Variants in NRXN2 observed in about 807,000 individuals in gnomAD.
NRXN2 encodes the protein neurexin 2, also known as neurexin-2-beta.
NRXN2 carries 29 observed loss-of-function variants against 128.8 expected under a neutral mutation model. That is an observed-to-expected ratio of 0.23 (90% CI 0.17 to 0.31). The LOEUF (loss-of-function observed/expected upper bound fraction) is 0.31. Ranked by LOEUF, NRXN2 falls within the 10% of genes least tolerant of loss-of-function variation. The pLI is 1.00. For missense variants in NRXN2, 1,881 were observed against 2,452.6 expected (o/e 0.77, Z 4.92); for synonymous variants, 1,098 against 1,075.2 (o/e 1.02, Z -0.41).
chr11:64,716,974 G>A (rs540817046), intron 1 of NRXN2, among the ~76,000 whole-genome samples: 6 of 151,608 alleles, frequency 4.0e-5, no homozygotes, highest in East Asian at 3.9e-4. Flanking sequence ...GGCTGCTGCC[G>A]ACCCAGCCTC....
In NRXN2 at chr11:64,690,442, C is replaced by G. The variant is rs1355455298; in HGVS notation, c.813G>C (p.Gly271=). The change falls in exon 5 of 23, where the codon GGG becomes GGC. Residue 271 remains glycine, a synonymous_variant. Coordinates refer to ENST00000265459, the MANE Select transcript of NRXN2 (RefSeq NM_015080.4). ...GSLLFSEGGA[G]RGGAGDVHQP... is the part of the protein sequence containing the mutation. The stretch of plus-strand genomic sequence containing the variant: ...GGTGCACATCGCCGGCTCCTCCTCT[C>G]CCGGCCCCCCCCTCGGAGAACAGTA... 2.5e-6 allele frequency: 4 copies of G among 1,613,460 alleles called. No homozygotes were observed. The highest frequency in any genetic ancestry group is 3.4e-6 in the Non-Finnish European group (4 of 1,179,914).
intron 22 of NRXN2, among the ~76,000 whole-genome samples, chr11:64,615,829 C>CGTGTGTGT (rs34781745): frequency 6.5e-5 from 9 of 139,112 alleles, no homozygotes; most frequent in East Asian, 2.5e-4. Flanking sequence ...TAGGCCCAAG[C>CGTGTGTGT]GTGTGTGTGT....
rs377268145 is a variant in NRXN2, at chr11:64,661,073, A to G, written c.1865T>C (p.Leu622Pro). 4 of 1,613,394 alleles carry G rather than the reference A, an allele frequency of 2.5e-6. No homozygotes were observed. Among genetic ancestry groups the G allele is most frequent in the Admixed American group, 1.7e-5 (1 of 60,010 alleles). ...ACCGCCCAGGTACAGCTCACTCTCC[A>G]GGTCCAGAATCTCGCTGTCTCCAGT... ...LATGDSEILD[L>P]ESELYLGGLP... Residue 622 changes from leucine (L) to proline (P), a missense_variant, in exon 10 of 23, where the codon CTG (leucine) becomes CCG (proline). Physicochemically the swap from Leu to Pro is moderately conservative, Grantham distance 98. Coordinates refer to ENST00000265459, the MANE Select transcript of NRXN2 (RefSeq NM_015080.4).
chr11:64,652,144 G>A lies in NRXN2; in HGVS notation c.2427C>T (p.Pro809=), dbSNP rs374928861. 1.1e-4 allele frequency: 183 copies of A among 1,612,294 alleles called. No homozygotes were observed. In the East Asian group the frequency reaches 1.8e-3, roughly 16 times the overall value. ...GCTTGTGCCCCGCAAACAGCGTTTC[G>A]GGGCCTTTACCTGCGGCACCAAGGG... ...LRVGCAPSKG[P]ETLFAGHKLN... Residue 809 remains proline (P), a synonymous_variant, in exon 13 of 23, where the codon CCC becomes CCT. Coordinates refer to ENST00000265459, the MANE Select transcript of NRXN2 (RefSeq NM_015080.4).
chr11:64,661,747 G>C (rs1472592591), intron 9 of NRXN2, among the ~76,000 whole-genome samples: 4 of 152,194 alleles, frequency 2.6e-5, no homozygotes, highest in East Asian at 3.8e-4. Flanking sequence ...CTGGGGAACA[G>C]TGCCAAAGCG....
chr11:64,712,946 G>A (rs916156256), intron 2 of NRXN2, 24 bp downstream of exon 2: 1 of 1,498,284 alleles, frequency 6.7e-7, no homozygotes, highest in Admixed American at 2.1e-5. Flanking sequence ...CCCAGGCACC[G>A]GGCGGCCGCT....
intron 20 of NRXN2, among the ~76,000 whole-genome samples, chr11:64,625,663 A>G (rs2042976572): frequency 6.6e-6 from 1 of 152,080 alleles, no homozygotes; most frequent in Admixed American, 6.5e-5. Flanking sequence ...GCCTCCCCAA[A>G]GGGAATGGGA....
chr11:64,623,290 C>T lies in NRXN2; in HGVS notation c.3848-212G>A, dbSNP rs1459848088. On this transcript the variant is annotated intron_variant, in intron 20 of 22. Transcript: ENST00000265459. The surrounding 1 kb of genome is among the most constrained non-coding windows in gnomAD (Gnocchi z 4.9). ...GCCCCTAGCCCAGCCAGGTGGGGACCCCAGAAGGGGAGGGCACCCAGGGTA... is the reference window on the plus strand; with the variant it reads ...GCCCCTAGCCCAGCCAGGTGGGGACTCCAGAAGGGGAGGGCACCCAGGGTA... 9 of 845,472 alleles carry T rather than the reference C, an allele frequency of 1.1e-5. No individual in the cohort carries two copies. Among genetic ancestry groups the T allele is most frequent in the Non-Finnish European group, 1.6e-5 (9 of 564,480 alleles). The allele number at this position is 845,472 out of a possible 1,614,324, so 52.4% of individuals were successfully genotyped here.
intron 22 of NRXN2, 142 bp downstream of exon 22, chr11:64,620,152 T>A (rs2042102801): frequency 1.4e-6 from 1 of 694,688 alleles, no homozygotes; most frequent in African/African-American, 1.8e-5. Context: ...ACTGGGAGGA[T>A]GTTAGGCAAG....
At position 64,685,826 on chromosome 11, in the gene NRXN2, G is replaced by A. The variant is rs747385099; in HGVS notation, c.972C>T (p.Asn324=). The A allele has an allele frequency of 2.5e-5, 41 of 1,614,138 alleles. No individual in the cohort carries two copies. Among genetic ancestry groups the A allele is most frequent in the South Asian group, 6.6e-5 (6 of 91,094 alleles). ...ITLAFRTLQR[N]GLMLHTGKSA... ...ACTTGCCTGTATGCAGCATCAGGCC[G>A]TTGCGTTGCAGGGTGCGGAAGGCCA... Residue 324 remains asparagine, a synonymous_variant, in exon 6 of 23, where the codon AAC becomes AAT. Coordinates refer to ENST00000265459, the MANE Select transcript of NRXN2 (RefSeq NM_015080.4).
At chr11:64,676,847 C>A (rs2051387904) in intron 7 of NRXN2, 146 bp downstream of exon 7, 2 of 676,482 alleles carry the variant, frequency 3.0e-6, no homozygotes, top group East Asian at 2.8e-5. Flanking sequence ...GAAGCAAAAT[C>A]TAAAGATTGT....
chr11:64,688,371 G>T, intron 5 of NRXN2: 1 of 985,444 alleles, frequency 1.0e-6, no homozygotes, highest in Non-Finnish European at 1.2e-6. Flanking sequence ...TTCGAGAAGA[G>T]GGACAGAAAA....
chr11:64,713,403 G>T lies in NRXN2; in HGVS notation c.297C>A (p.Ala99=). Residue 99 remains alanine, a synonymous_variant, in exon 2 of 23, where the codon GCC becomes GCA. Coordinates refer to ENST00000265459, the MANE Select transcript of NRXN2 (RefSeq NM_015080.4). The part of the protein sequence containing the change: ...LRFTLSCAEP[A]TLQLDTPVAD... ...CCACCGGCGTGTCCAGCTGCAGCGT[G>T]GCCGGCTCGGCGCACGAAAGCGTGA... 6.7e-7 allele frequency: 1 copy of T among 1,486,022 alleles called. No homozygotes were observed. The allele number at this position is 1,486,022 out of a possible 1,614,324, so 92.1% of individuals were successfully genotyped here.
At chr11:64,666,575 T>G (rs1282584284) in intron 9 of NRXN2, among the ~76,000 whole-genome samples, 1 of 151,658 alleles carries the variant, frequency 6.6e-6, no homozygotes, top group Non-Finnish European at 1.5e-5. Context: ...TATATTCTTT[T>G]TTCTCTGAGA....
intron 7 of NRXN2, among the ~76,000 whole-genome samples, chr11:64,670,668 C>T (rs560315136): frequency 1.4e-4 from 22 of 152,310 alleles, no homozygotes; most frequent in African/African-American, 5.3e-4. Flanking sequence ...CCCCACTAAT[C>T]TGAACATAAT....
chr11:64,721,934 T>C (rs1490012522), intron 1 of NRXN2, among the ~76,000 whole-genome samples: 1 of 151,642 alleles, frequency 6.6e-6, no homozygotes, highest in African/African-American at 2.4e-5. Context: ...AAAAAGCCCC[T>C]CCCAGCCCTT....
chr11:64,686,930 A>G (rs746283121), intron 5 of NRXN2, among the ~76,000 whole-genome samples: 8 of 152,252 alleles, frequency 5.3e-5, no homozygotes, highest in Non-Finnish European at 1.2e-4. Context: ...ACAATGACTC[A>G]GTAGTACCAA....
At chr11:64,612,909 C>A (rs539819059) in intron 22 of NRXN2, among the ~76,000 whole-genome samples, 1 of 152,214 alleles carries the variant, frequency 6.6e-6, no homozygotes, top group Admixed American at 6.5e-5. Flanking sequence ...TTGGAAAAAC[C>A]ATTCTCTCCT....
At chr11:64,661,193 T>C (rs2048980734) in intron 9 of NRXN2, 54 bp from the exon 10 acceptor site, 14 of 1,609,950 alleles carry the variant, frequency 8.7e-6, no homozygotes, top group Middle Eastern at 1.7e-4. Context: ...GAAAGGGACA[T>C]CCTGACTCTG....
Sources: gnomAD v4.1 joint callset for allele counts (sites outside exome capture counted in the v4.1 genomes callset) on GRCh38, gnomAD v4.1.1 for gene constraint, Gnocchi (gnomAD v3.1) non-coding constraint, MANE v1.5 for transcripts, NCBI Gene and HGNC (gene_info 2026-07-23, HGNC 2026-07-21) for gene names.